The following XRN2 variants were observed in gnomAD, a reference collection of about 807,000 sequenced individuals.
XRN2 encodes 5'-3' exoribonuclease 2, also known as DHM1-like protein.
XRN2 carries 44 observed loss-of-function variants against 138.5 expected under a neutral mutation model. The ratio of observed to expected loss-of-function variants is 0.32; its 90% CI spans 0.25 to 0.41. The LOEUF (loss-of-function observed/expected upper bound fraction) is 0.41. Ranked by LOEUF, XRN2 falls within the 10% of genes least tolerant of loss-of-function variation. The pLI is 1.00. For synonymous variants in XRN2, 354 were observed against 369.4 expected (o/e 0.96, Z 0.48); for missense variants, 937 against 1,169.3 (o/e 0.80, Z 2.90).
intron 15 of XRN2, among the ~76,000 whole-genome samples, chr20:21,342,204 T>TAAC (rs2038381017): frequency 1.3e-5 from 2 of 152,328 alleles, no homozygotes; most frequent in South Asian, 4.1e-4. Flanking sequence ...ATTTCTCGTG[T>TAAC]TTTATTTTTC....
intron 1 of XRN2, among the ~76,000 whole-genome samples, chr20:21,314,856 A>G (rs1458744604): frequency 6.6e-6 from 1 of 152,200 alleles, no homozygotes; most frequent in Non-Finnish European, 1.5e-5. Flanking sequence ...TCCATGTACA[A>G]TGTTACATGA....
At chr20:21,308,874 A>G (rs2037839681) in intron 1 of XRN2, among the ~76,000 whole-genome samples, 1 of 152,026 alleles carries the variant, frequency 6.6e-6, no homozygotes. Context: ...TATTTAAGGA[A>G]TCCTTTGTCA....
chr20:21,379,908 T>C (rs2038864832), intron 27 of XRN2, among the ~76,000 whole-genome samples: 1 of 152,220 alleles, frequency 6.6e-6, no homozygotes, highest in South Asian at 2.1e-4. Flanking sequence ...TTTTTTCCCA[T>C]CTTTATTTTT....
intron 28 of XRN2, among the ~76,000 whole-genome samples, chr20:21,385,461 A>C (rs2038927734): frequency 6.6e-6 from 1 of 152,258 alleles, no homozygotes; most frequent in Non-Finnish European, 1.5e-5. Flanking sequence ...CTGAAAAATA[A>C]TTAAAAGCCC....
At chr20:21,357,305 G>A (rs2038587312) in intron 23 of XRN2, among the ~76,000 whole-genome samples, 1 of 152,178 alleles carries the variant, frequency 6.6e-6, no homozygotes, top group Non-Finnish European at 1.5e-5. Flanking sequence ...GAATGGAACT[G>A]CTGGCCATAG....
chr20:21,367,208 A>G (rs1333009224), intron 26 of XRN2, among the ~76,000 whole-genome samples: 1 of 152,140 alleles, frequency 6.6e-6, no homozygotes, highest in Non-Finnish European at 1.5e-5. Flanking sequence ...CTTTTTAGTT[A>G]ACTGAATTGT....
At chr20:21,355,254 T>C (rs1298195430) in intron 21 of XRN2, among the ~76,000 whole-genome samples, 1 of 152,196 alleles carries the variant, frequency 6.6e-6, no homozygotes, top group Non-Finnish European at 1.5e-5. Context: ...ATAACTACTT[T>C]GTTTAAAAGG....
In XRN2 at chr20:21,333,925, T is replaced by A; in HGVS notation, c.1068-12T>A. ...CTGGTCCTAATGCATAATGTTTGTC[T>A]CTTGCTGACAGGGAAAATGCAATTG... On this transcript the variant is annotated splice_polypyrimidine_tract_variant and intron_variant, in intron 11 of 29. Coordinates refer to ENST00000377191, the MANE Select transcript of XRN2 (RefSeq NM_012255.5). 6.2e-7 allele frequency: 1 copy of A among 1,614,140 alleles called. No individual in the cohort carries two copies. Among genetic ancestry groups the A allele is most frequent in the African/African-American group, 1.3e-5 (1 of 75,056 alleles).
intron 24 of XRN2, among the ~76,000 whole-genome samples, chr20:21,358,562 C>T (rs192502157): frequency 2.0e-5 from 3 of 152,228 alleles, no homozygotes; most frequent in Admixed American, 2.0e-4. Flanking sequence ...CTTTTCCATC[C>T]ATTTTTGTTT....
intron 21 of XRN2, among the ~76,000 whole-genome samples, chr20:21,355,539 T>C (rs912659602): frequency 6.6e-6 from 1 of 152,178 alleles, no homozygotes; most frequent in Non-Finnish European, 1.5e-5. Context: ...AAAATGAGTT[T>C]ATTATAAAAA....
In XRN2 at chr20:21,363,238, TAGA is replaced by T. The variant is rs1359837026; in HGVS notation, c.2256-2180_2256-2178del. On this transcript the variant is annotated intron_variant, in intron 24 of 29. Transcript: ENST00000377191. ...CCACTTTCTTCCTTATTTCCCTTAT[TAGA>T]AGGGGAGGCAGGCTTGATGCCTGGC... Among the ~76,000 whole-genome samples, 4 of 152,308 alleles carry T rather than the reference TAGA, an allele frequency of 2.6e-5. No homozygotes were observed. In the East Asian group the frequency reaches 7.7e-4, roughly 29 times the overall value.
intron 1 of XRN2, among the ~76,000 whole-genome samples, chr20:21,313,323 C>G (rs917495281): frequency 6.6e-6 from 1 of 152,182 alleles, no homozygotes; most frequent in African/African-American, 2.4e-5. Context: ...GGCTGCGTGT[C>G]CTCATTTGTT....
At chr20:21,365,341 A>T in intron 24 of XRN2, 80 bp from the exon 25 acceptor site, 1 of 1,403,936 alleles carries the variant, frequency 7.1e-7, no homozygotes, top group South Asian at 1.3e-5. Context: ...AGAGGACTTA[A>T]ACATGAAAAA....
At chr20:21,364,960 A>G (rs1226667066) in intron 24 of XRN2, among the ~76,000 whole-genome samples, 1 of 152,078 alleles carries the variant, frequency 6.6e-6, no homozygotes, top group Admixed American at 6.6e-5. Flanking sequence ...TAGATTTCTT[A>G]GCTATTTGTG....
intron 1 of XRN2, among the ~76,000 whole-genome samples, chr20:21,323,178 G>A (rs1278624852): frequency 6.6e-6 from 1 of 152,188 alleles, no homozygotes; most frequent in Non-Finnish European, 1.5e-5. Flanking sequence ...CTTCTCACAT[G>A]TTGGAGGTAC....
chr20:21,332,850 T>C (rs1271518339), intron 9 of XRN2, among the ~76,000 whole-genome samples: 2 of 152,218 alleles, frequency 1.3e-5, no homozygotes, highest in Non-Finnish European at 2.9e-5. Flanking sequence ...AATTTGTTTG[T>C]GGAAGTTATT....
At chr20:21,323,400 A>G (rs2038075536) in intron 1 of XRN2, among the ~76,000 whole-genome samples, 1 of 152,194 alleles carries the variant, frequency 6.6e-6, no homozygotes, top group Non-Finnish European at 1.5e-5. Flanking sequence ...ATTAAAAGTC[A>G]TTACTTGAAA....
At chr20:21,316,215 T>C (rs2037956773) in intron 1 of XRN2, among the ~76,000 whole-genome samples, 1 of 152,148 alleles carries the variant, frequency 6.6e-6, no homozygotes, top group African/African-American at 2.4e-5. Context: ...GATTGTGCCA[T>C]TGCACTCCAG....
intron 20 of XRN2, among the ~76,000 whole-genome samples, chr20:21,350,830 TATC>T (rs1304367663): frequency 2.6e-5 from 4 of 152,148 alleles, no homozygotes; most frequent in Non-Finnish European, 4.4e-5. Context: ...GTAGCAGAAA[TATC>T]ATATCGCTTC....
Sources: allele counts gnomAD v4.1 joint callset (sites outside exome capture counted in the v4.1 genomes callset), GRCh38; gene constraint gnomAD v4.1.1; transcripts MANE v1.5; gene names NCBI Gene and HGNC (gene_info 2026-07-23, HGNC 2026-07-21).